Variants in TMEM117 observed in about 807,000 individuals in gnomAD.
The protein encoded by TMEM117 is transmembrane protein 117.
In TMEM117, 27 loss-of-function variants were observed where a neutral mutation model predicts 52.4. The ratio of observed to expected loss-of-function variants is 0.51; its 90% confidence interval spans 0.38 to 0.71. The LOEUF (loss-of-function observed/expected upper bound fraction) is 0.71. TMEM117 is among the 30% of genes least tolerant of loss of function. The pLI is 0.00. For synonymous variants in TMEM117, 215 were observed against 206.3 expected (o/e 1.04, Z -0.36); for missense variants, 556 against 630.5 (o/e 0.88, Z 1.26).
intron 5 of TMEM117, among the ~76,000 whole-genome samples, chr12:44,286,097 TC>T (rs2138608346): frequency 6.6e-6 from 1 of 152,250 alleles, no homozygotes; most frequent in Admixed American, 6.5e-5. Flanking sequence ...TTTTTATTTT[TC>T]TGTAAGAAAC....
intron 3 of TMEM117, among the ~76,000 whole-genome samples, chr12:43,973,913 T>C (rs1945631451): frequency 6.6e-6 from 1 of 152,188 alleles, no homozygotes; most frequent in South Asian, 2.1e-4. Flanking sequence ...AATGTTTGCT[T>C]GGGTAGTGAG....
At chr12:44,239,297 C>T (rs1950034325) in intron 5 of TMEM117, among the ~76,000 whole-genome samples, 1 of 152,070 alleles carries the variant, frequency 6.6e-6, no homozygotes, top group Non-Finnish European at 1.5e-5. Context: ...TATTAGTTCT[C>T]CCAGCAAGTA....
chr12:44,292,203 C>CTGGATAAA (rs1950713546), intron 5 of TMEM117, among the ~76,000 whole-genome samples: 1 of 151,882 alleles, frequency 6.6e-6, no homozygotes, highest in African/African-American at 2.4e-5. Context: ...TTGTATGTTT[C>CTGGATAAA]TAGGAATTTA....
chr12:44,021,050 C>G (rs971703049), intron 3 of TMEM117, among the ~76,000 whole-genome samples: 1 of 152,096 alleles, frequency 6.6e-6, no homozygotes, highest in African/African-American at 2.4e-5. Context: ...TTGTTTTTCA[C>G]TGTCTCACAG....
At chr12:44,262,978 T>C (rs1383035356) in intron 5 of TMEM117, among the ~76,000 whole-genome samples, 1 of 152,250 alleles carries the variant, frequency 6.6e-6, no homozygotes, top group African/African-American at 2.4e-5. Flanking sequence ...AACCAGACTT[T>C]GTTTTAATCT....
chr12:44,198,896 A>G (rs1949455699), intron 4 of TMEM117, among the ~76,000 whole-genome samples: 1 of 152,214 alleles, frequency 6.6e-6, no homozygotes, highest in Non-Finnish European at 1.5e-5. Flanking sequence ...AAACATAAAA[A>G]AAATGGAGTC....
chr12:44,392,796 A>G (rs1333484288), downstream of TMEM117, among the ~76,000 whole-genome samples: 2 of 151,676 alleles, frequency 1.3e-5, no homozygotes, highest in Admixed American at 6.6e-5. Context: ...TAGCATTGAA[A>G]TTACTCTAAG....
chr12:44,253,194 G>T (rs1388091934), intron 5 of TMEM117, among the ~76,000 whole-genome samples: 1 of 152,150 alleles, frequency 6.6e-6, no homozygotes, highest in Non-Finnish European at 1.5e-5. Context: ...AATAGGGGGA[G>T]TGTGTGTGGG....
chr12:44,078,857 C>G (rs944877825), intron 3 of TMEM117, among the ~76,000 whole-genome samples: 7 of 144,898 alleles, frequency 4.8e-5, no homozygotes, highest in African/African-American at 1.8e-4. Context: ...TATCCCTCCC[C>G]TAGCACCCCC....
chr12:44,205,853 GA>G (rs1390596723), intron 4 of TMEM117, among the ~76,000 whole-genome samples: 2 of 152,200 alleles, frequency 1.3e-5, no homozygotes, highest in Admixed American at 6.5e-5. Flanking sequence ...GCAGTTTGGA[GA>G]TTTCACAAAG....
rs1323345187 is a variant in TMEM117, at chr12:44,183,905, T to A, written c.511-27385T>A. ...AGCAAGACCTTCCCAAGCCAAGGCC[T>A]AAAATCCACATCCCTGCAGTAGGTA... On this transcript the variant is annotated intron_variant, in intron 4 of 7. Transcript: ENST00000266534. 3.9e-5 allele frequency among the ~76,000 whole-genome samples: 6 copies of A among 152,170 alleles called. No individual in the cohort carries two copies. The South Asian group carries it at 1.2e-3, about 32-fold the overall frequency.
intron 2 of TMEM117, among the ~76,000 whole-genome samples, chr12:43,871,593 A>G (rs1943706006): frequency 6.6e-6 from 1 of 152,180 alleles, no homozygotes; most frequent in Non-Finnish European, 1.5e-5. Flanking sequence ...TAAAATATCT[A>G]TCTTTAGCTG....
chr12:44,081,486 A>G (rs1381048921), intron 3 of TMEM117, among the ~76,000 whole-genome samples: 2 of 152,134 alleles, frequency 1.3e-5, no homozygotes, highest in African/African-American at 4.8e-5. Flanking sequence ...AATTATTCAC[A>G]CTGAGAGACA....
intron 3 of TMEM117, among the ~76,000 whole-genome samples, chr12:44,104,297 T>C (rs1374162437): frequency 6.6e-6 from 1 of 151,968 alleles, no homozygotes; most frequent in Non-Finnish European, 1.5e-5. Flanking sequence ...TCCATTCTTG[T>C]TTTTTCTCTC....
chr12:43,948,962 A>G (rs1225939287), intron 3 of TMEM117, among the ~76,000 whole-genome samples: 3 of 152,238 alleles, frequency 2.0e-5, no homozygotes, highest in African/African-American at 7.2e-5. Context: ...TGTAGGGACC[A>G]GAAACAAGGA....
chr12:44,189,126 A>G (rs1391315598), intron 4 of TMEM117, among the ~76,000 whole-genome samples: 1 of 152,184 alleles, frequency 6.6e-6, no homozygotes, highest in Admixed American at 6.6e-5. Context: ...TATTAACTAT[A>G]GTCACCCTAT....
At chr12:44,341,524 T>G (rs1232886054) in intron 6 of TMEM117, among the ~76,000 whole-genome samples, 1 of 152,168 alleles carries the variant, frequency 6.6e-6, no homozygotes. Flanking sequence ...GATGGACTGT[T>G]CAGTTGATTC....
intron 4 of TMEM117, among the ~76,000 whole-genome samples, chr12:44,180,098 C>T (rs1336685531): frequency 6.6e-6 from 1 of 152,136 alleles, no homozygotes; most frequent in Non-Finnish European, 1.5e-5. Context: ...CACATGGCCT[C>T]ACCTAGCTTC....
chr12:44,216,419 G>C (rs951560387), intron 5 of TMEM117, among the ~76,000 whole-genome samples: 3 of 152,134 alleles, frequency 2.0e-5, no homozygotes, highest in Non-Finnish European at 2.9e-5. Context: ...TAACACTGCA[G>C]ACTTGTAGTT....
Sources: gnomAD v4.1 joint callset for allele counts (sites outside exome capture counted in the v4.1 genomes callset) on GRCh38, gnomAD v4.1.1 for gene constraint, MANE v1.5 for transcripts, NCBI Gene and HGNC (gene_info 2026-07-23, HGNC 2026-07-21) for gene names.